ANKRD12: variants seen among roughly 807,000 people sequenced by gnomAD.
The protein encoded by ANKRD12 is ankyrin repeat domain-containing protein 12.
In ANKRD12, 85 loss-of-function variants were observed where a neutral mutation model predicts 183.4. That is an observed-to-expected ratio of 0.46 (90% CI 0.39 to 0.56). The LOEUF (loss-of-function observed/expected upper bound fraction) is 0.56. Ranked by LOEUF, ANKRD12 falls within the 20% of genes least tolerant of loss-of-function variation. The pLI is 0.00. For missense variants in ANKRD12, 2,405 were observed against 2,357.1 expected (o/e 1.02, Z -0.42); for synonymous variants, 914 against 800.2 (o/e 1.14, Z -2.40).
intron 3 of ANKRD12, 44 bp from the exon 4 acceptor site, chr18:9,204,432 T>C: frequency 7.2e-7 from 1 of 1,380,046 alleles, no homozygotes; most frequent in Non-Finnish European, 1.0e-6. Flanking sequence ...TGCATTTCCC[T>C]CCGTGTGCTT....
chr18:9,254,658 G>A lies in ANKRD12; in HGVS notation c.1391G>A (p.Gly464Asp), dbSNP rs2038495257. 1 of 1,557,392 alleles carries A rather than the reference G, an allele frequency of 6.4e-7. No individual in the cohort carries two copies. The highest frequency in any genetic ancestry group is 1.4e-5 in the African/African-American group (1 of 72,290). ...MQTKKEYVVSGEHKQKGKVKR... is the reference protein window; with the variant it reads ...MQTKKEYVVSDEHKQKGKVKR... ...ACCAAAAAGGAATATGTAGTTTCAG[G>A]TGAACACAAACAGAAAGGCAAAGTT... The change falls in exon 9 of 13, where the codon GGT becomes GAT. Residue 464 changes from glycine (G) to aspartate (D), a missense_variant. Physicochemically the swap from Gly to Asp is moderately conservative, Grantham distance 94 (BLOSUM62 -1). This residue lies in a region of ANKRD12 where 1,983 missense variants were observed against 1,725.9 expected (regional missense o/e 1.15). Transcript: ENST00000262126.
intron 8 of ANKRD12, among the ~76,000 whole-genome samples, chr18:9,231,553 C>T (rs973892542): frequency 2.0e-5 from 3 of 151,646 alleles, no homozygotes; most frequent in Non-Finnish European, 2.9e-5. Flanking sequence ...CCGTGCCGGG[C>T]GCGGTGGCTC....
Position 9,257,315 on chromosome 18 carries a change from G to A in ANKRD12, c.4048G>A (p.Val1350Ile), listed in dbSNP as rs757488493. 2 of 1,614,010 alleles carry A rather than the reference G, an allele frequency of 1.2e-6. No homozygotes were observed. Among genetic ancestry groups the A allele is most frequent in the Non-Finnish European group, 1.7e-6 (2 of 1,180,002 alleles). ...GDTSPSPKPE[V>I]FSNVPERDLS... ...TACTAGTCCTTCTCCCAAACCTGAG[G>A]TATTCTCAAATGTGCCTGAAAGAGA... Residue 1350 changes from valine (V) to isoleucine (I), a missense_variant, in exon 9 of 13, where the codon GTA (valine) becomes ATA (isoleucine). This residue lies in a region of ANKRD12 where 1,983 missense variants were observed against 1,725.9 expected (regional missense o/e 1.15). Coordinates refer to ENST00000262126, the MANE Select transcript of ANKRD12 (RefSeq NM_015208.5).
chr18:9,191,809 T>C (rs997582448), intron 2 of ANKRD12, among the ~76,000 whole-genome samples: 1 of 152,116 alleles, frequency 6.6e-6, no homozygotes, highest in Non-Finnish European at 1.5e-5. Context: ...CCCAACTTTG[T>C]TGGGCTCTCA....
chr18:9,260,536 T>TA (rs2038904928), intron 9 of ANKRD12: 1 of 152,198 alleles, frequency 6.6e-6, no homozygotes, highest in Admixed American at 6.5e-5. Context: ...CGAGATTTGT[T>TA]ACAACCTAGT....
chr18:9,229,978 T>TTG (rs1431222950), intron 8 of ANKRD12, among the ~76,000 whole-genome samples: 1 of 152,224 alleles, frequency 6.6e-6, no homozygotes, highest in African/African-American at 2.4e-5. Flanking sequence ...GATGCTGGCT[T>TTG]TGTAGAATGG....
Position 9,257,458 on chromosome 18 carries a change from T to A in ANKRD12, c.4191T>A (p.Thr1397=), listed in dbSNP as rs780733647. The change falls in exon 9 of 13, where the codon ACT becomes ACA. Residue 1397 remains threonine, a synonymous_variant. Transcript: ENST00000262126. ...NLIKNTAPVN[T]VMDSPVHLEP... is the part of the protein sequence containing the mutation. ...TCAAGAATACTGCCCCAGTGAACACTGTAATGGACAGTCCAGTGCATTTAG... is the reference window on the plus strand; with the variant it reads ...TCAAGAATACTGCCCCAGTGAACACAGTAATGGACAGTCCAGTGCATTTAG... The A allele has an allele frequency of 6.2e-7, 1 of 1,614,080 alleles. No individual in the cohort carries two copies. Among genetic ancestry groups the A allele is most frequent in the Admixed American group, 1.7e-5 (1 of 60,006 alleles).
At chr18:9,259,997 C>A (rs2145253097) in intron 9 of ANKRD12, 1 of 152,212 alleles carries the variant, frequency 6.6e-6, no homozygotes, top group Admixed American at 6.5e-5. Context: ...TTTATTCAAG[C>A]TAATAATAAG....
intron 8 of ANKRD12, among the ~76,000 whole-genome samples, 176 bp downstream of exon 8, chr18:9,222,175 A>G (rs2036457567): frequency 2.6e-5 from 4 of 152,210 alleles, no homozygotes; most frequent in Non-Finnish European, 5.9e-5. Flanking sequence ...GGTGTTTGCT[A>G]CATATACCCT....
chr18:9,175,714 G>C (rs2033209891), intron 1 of ANKRD12, among the ~76,000 whole-genome samples: 1 of 151,690 alleles, frequency 6.6e-6, no homozygotes, highest in South Asian at 2.1e-4. Context: ...TTTTAGTAGA[G>C]ATGGGGTTTC....
intron 1 of ANKRD12, among the ~76,000 whole-genome samples, chr18:9,154,290 CAT>C (rs1356500299): frequency 6.6e-6 from 1 of 152,092 alleles, no homozygotes; most frequent in Admixed American, 6.5e-5. Flanking sequence ...GATGTGGTAA[CAT>C]GTGCCTGCAG....
At chr18:9,150,402 T>C (rs1216531747) in intron 1 of ANKRD12, among the ~76,000 whole-genome samples, 2 of 152,202 alleles carry the variant, frequency 1.3e-5, no homozygotes, top group African/African-American at 4.8e-5. Flanking sequence ...TGGATCTATG[T>C]TATTATTTTA....
chr18:9,173,677 T>C (rs1414385515), intron 1 of ANKRD12, among the ~76,000 whole-genome samples: 1 of 150,412 alleles, frequency 6.6e-6, no homozygotes, highest in African/African-American at 2.5e-5. Context: ...CTGTAGAAGG[T>C]GTCTGGAGAT....
Position 9,173,106 on chromosome 18 carries a change from A to G in ANKRD12, c.-51-9276A>G, listed in dbSNP as rs188069257. ...TTTTTTTGAGACTGAGTTTAGCTCT[A>G]TCACCCAGGCTGGAGTGCAGTGGCA... On this transcript the variant is annotated intron_variant, in intron 1 of 12. Coordinates refer to ENST00000262126, the MANE Select transcript of ANKRD12 (RefSeq NM_015208.5). Among the ~76,000 whole-genome samples the G allele has an allele frequency of 2.5e-3, 350 of 138,142 alleles. 8 individuals carry two copies. The highest frequency in any genetic ancestry group is 9.0e-3 in the African/African-American group (328 of 36,342). 90.6% of individuals were successfully genotyped at this position (138,142 alleles called of 152,430 possible). A position where few individuals can be genotyped will look rare whatever the true frequency, so the allele number is the denominator to read the frequency against.
chr18:9,206,239 T>C (rs2035475595), intron 4 of ANKRD12, among the ~76,000 whole-genome samples: 1 of 152,086 alleles, frequency 6.6e-6, no homozygotes. Context: ...TCAGTATACT[T>C]ACATTTAAAC....
chr18:9,196,642 C>T (rs1035480687), intron 3 of ANKRD12, among the ~76,000 whole-genome samples: 1 of 152,134 alleles, frequency 6.6e-6, no homozygotes, highest in African/African-American at 2.4e-5. Context: ...GCTAACATAG[C>T]TTTAGAAAAT....
At chr18:9,217,236 G>A (rs976409) in intron 7 of ANKRD12, among the ~76,000 whole-genome samples, 152,230 of 152,326 alleles carry the variant, frequency 1, 76,067 homozygotes, top group Non-Finnish European at 1. Context: ...ATCTTTTGAA[G>A]GGCATTTTAC....
intron 11 of ANKRD12, 38 bp from the exon 12 acceptor site, chr18:9,279,511 A>T: frequency 8.2e-7 from 1 of 1,223,756 alleles, no homozygotes; most frequent in East Asian, 2.3e-5. Flanking sequence ...TTTTAAAGTG[A>T]TTTATTGTAT....
chr18:9,169,691 T>G (rs1244289764), intron 1 of ANKRD12, among the ~76,000 whole-genome samples: 1 of 152,250 alleles, frequency 6.6e-6, no homozygotes, highest in Non-Finnish European at 1.5e-5. Flanking sequence ...GTCTTTTAAT[T>G]GGAGCATTTG....
Sources: gnomAD v4.1 joint callset for allele counts (sites outside exome capture counted in the v4.1 genomes callset) on GRCh38, gnomAD v4.1.1 for gene constraint, gnomAD v4.1.1 regional missense constraint, MANE v1.5 for transcripts, NCBI Gene and HGNC (gene_info 2026-07-23, HGNC 2026-07-21) for gene names.